Variants in AMD1 observed in about 807,000 individuals in gnomAD.
The protein encoded by AMD1 is adenosylmethionine decarboxylase 1.
AMD1 carries 11 observed loss-of-function variants against 40.2 expected under a neutral mutation model. That is an observed-to-expected ratio of 0.27 (90% CI 0.17 to 0.45). AMD1 has a LOEUF of 0.45. AMD1 is among the 20% of genes least tolerant of loss of function. AMD1 has a pLI of 1.00. For missense variants in AMD1, 257 were observed against 410.2 expected (o/e 0.63, Z 3.23); for synonymous variants, 121 against 130.8 (o/e 0.93, Z 0.51).
At chr6:110,883,826 T>C (rs951259999) in intron 1 of AMD1, among the ~76,000 whole-genome samples, 2 of 152,102 alleles carry the variant, frequency 1.3e-5, no homozygotes, top group East Asian at 1.9e-4. Flanking sequence ...CTTGATCTCC[T>C]GACCTTGTGA....
rs767939638 is a variant in AMD1, at chr6:110,892,341, T to C, written c.513T>C (p.Ser171=). 5.6e-6 allele frequency: 9 copies of C among 1,613,498 alleles called. No individual in the cohort carries two copies. Among genetic ancestry groups the C allele is most frequent in the Middle Eastern group, 1.8e-4 (1 of 5,480 alleles). Reference sequence around the variant, plus strand: ...ATTTCCCAGAGAGTCGGGTAATCAGTCAGCCAGATCAAACCTTGGAAATTC... The same window carrying C: ...ATTTCCCAGAGAGTCGGGTAATCAGCCAGCCAGATCAAACCTTGGAAATTC... ...TLDFPESRVI[S]QPDQTLEILM... is the part of the protein sequence containing the mutation. Residue 171 remains serine, a synonymous_variant, in exon 6 of 9, where the codon AGT becomes AGC. Transcript: ENST00000368885.
In AMD1 at chr6:110,893,469, C is replaced by T. The variant is rs748382923; in HGVS notation, c.865-7C>T. 5 of 1,610,910 alleles carry T rather than the reference C, an allele frequency of 3.1e-6. No individual in the cohort carries two copies. The highest frequency in any genetic ancestry group is 2.2e-5 in the South Asian group (2 of 90,306). ...AACACTAACGGTTATTTAATTTTTTCCCCCAGAGTTCTAAATGTCGCACAG... is the reference window on the plus strand; with the variant it reads ...AACACTAACGGTTATTTAATTTTTTTCCCCAGAGTTCTAAATGTCGCACAG... On this transcript the variant is annotated splice_region_variant and splice_polypyrimidine_tract_variant and intron_variant, in intron 8 of 8. Coordinates refer to ENST00000368885, the MANE Select transcript of AMD1 (RefSeq NM_001634.6).
intron 1 of AMD1, among the ~76,000 whole-genome samples, chr6:110,879,267 T>A (rs1022157183): frequency 6.6e-6 from 1 of 152,208 alleles, no homozygotes; most frequent in South Asian, 2.1e-4. Context: ...GGGAGGATTT[T>A]TTTGAGCCAT....
chr6:110,843,004 G>T, the AMD1 span, among the ~76,000 whole-genome samples: 1 of 151,984 alleles, frequency 6.6e-6, no homozygotes, highest in Non-Finnish European at 1.5e-5. Flanking sequence ...ATGGTGGTGG[G>T]CACCTGTAGT....
intron 2 of AMD1, among the ~76,000 whole-genome samples, chr6:110,887,905 T>G (rs1304036256): frequency 1.3e-5 from 2 of 152,060 alleles, no homozygotes; most frequent in Non-Finnish European, 2.9e-5. Context: ...AGGCTGGTCT[T>G]GAACTCCTGA....
chr6:110,870,105 A>G (rs1355922082), upstream of AMD1, among the ~76,000 whole-genome samples: 3 of 152,204 alleles, frequency 2.0e-5, no homozygotes, highest in Admixed American at 1.3e-4. Context: ...AACCAGAGGC[A>G]TGCTGGTAAA....
chr6:110,815,048 C>G, the AMD1 span: 1 of 1,605,966 alleles, frequency 6.2e-7, no homozygotes, highest in Non-Finnish European at 8.5e-7. Context: ...ACCGTAGGTG[C>G]CGCGTCCCAC....
At chr6:110,856,204 C>T in the AMD1 span, among the ~76,000 whole-genome samples, 2 of 152,174 alleles carry the variant, frequency 1.3e-5, no homozygotes, top group African/African-American at 2.4e-5. Context: ...CCACCTTTCT[C>T]TGGGATTGTA....
intron 1 of AMD1, among the ~76,000 whole-genome samples, chr6:110,876,791 G>A (rs1463714668): frequency 6.8e-6 from 1 of 146,710 alleles, no homozygotes; most frequent in African/African-American, 2.8e-5. Context: ...TTGTGATCAG[G>A]ATAATTAACC....
intron 1 of AMD1, among the ~76,000 whole-genome samples, chr6:110,877,530 G>A (rs1216878050): frequency 6.6e-6 from 1 of 152,250 alleles, no homozygotes; most frequent in Non-Finnish European, 1.5e-5. Context: ...AGCGTGACAT[G>A]TTTTACTCAA....
the AMD1 span, among the ~76,000 whole-genome samples, chr6:110,862,724 C>T: frequency 6.6e-6 from 1 of 151,516 alleles, no homozygotes; most frequent in African/African-American, 2.4e-5. Flanking sequence ...CCTGCCTCGG[C>T]CTCCCAAACT....
At chr6:110,892,527 A>G in intron 6 of AMD1, 84 bp downstream of exon 6, 1 of 1,572,836 alleles carries the variant, frequency 6.4e-7, no homozygotes. Context: ...TTTTAAGTTC[A>G]GGGTAACAAG....
chr6:110,824,727 C>CA, the AMD1 span, among the ~76,000 whole-genome samples: 66 of 151,022 alleles, frequency 4.4e-4, no homozygotes, highest in Middle Eastern at 3.4e-3. Context: ...TTTTTGGTAA[C>CA]AAAAAAAAGC....
upstream of AMD1, among the ~76,000 whole-genome samples, chr6:110,873,443 G>A (rs1784956156): frequency 2.0e-5 from 3 of 152,346 alleles, no homozygotes; most frequent in South Asian, 2.1e-4. Flanking sequence ...ACGGAGACAC[G>A]TGAACCACGT....
chr6:110,817,674 C>CA, the AMD1 span, among the ~76,000 whole-genome samples: 2 of 152,160 alleles, frequency 1.3e-5, no homozygotes, highest in Non-Finnish European at 2.9e-5. Flanking sequence ...ACTATAATAA[C>CA]TGCTGGAGAT....
the AMD1 span, chr6:110,859,087 C>T: frequency 2.3e-6 from 3 of 1,292,332 alleles, no homozygotes; most frequent in Non-Finnish European, 2.2e-6. Context: ...CCCTCGGGCG[C>T]GCAGGCTCGG....
chr6:110,868,842 G>C, the AMD1 span, among the ~76,000 whole-genome samples: 14 of 151,940 alleles, frequency 9.2e-5, no homozygotes, highest in Non-Finnish European at 2.1e-4. Context: ...GATCACCTGA[G>C]GTCAGGAGTT....
the AMD1 span, among the ~76,000 whole-genome samples, chr6:110,831,848 T>A: frequency 5.3e-4 from 80 of 152,208 alleles, no homozygotes; most frequent in African/African-American, 1.5e-3. Context: ...TTTTTTAATT[T>A]ATTTATTTTT....
chr6:110,888,604 CCT>C (rs1006370379), intron 2 of AMD1: 4 of 255,462 alleles, frequency 1.6e-5, no homozygotes, highest in East Asian at 9.2e-5. Flanking sequence ...CTGTGCCTGG[CCT>C]CTCTCTTTTT....
Sources: gnomAD v4.1 joint callset for allele counts (sites outside exome capture counted in the v4.1 genomes callset) on GRCh38, gnomAD v4.1.1 for gene constraint, MANE v1.5 for transcripts, NCBI Gene and HGNC (gene_info 2026-07-23, HGNC 2026-07-21) for gene names.